Variants in CRACR2A observed in about 807,000 individuals in gnomAD.
CRACR2A encodes calcium release activated channel regulator 2A.
A neutral mutation model predicts 90.5 loss-of-function variants in CRACR2A; 79 were observed. That is an observed-to-expected ratio of 0.87 (90% CI 0.73 to 1.05). The LOEUF is 1.05. Among genes scored for constraint, CRACR2A ranks in the 50% least tolerant of loss-of-function variants. The pLI is 0.00. For missense variants in CRACR2A, 823 were observed against 897.2 expected (o/e 0.92, Z 1.06); for synonymous variants, 338 against 356.7 (o/e 0.95, Z 0.59).
chr12:3,669,215 C>T (rs1439106739), intron 7 of CRACR2A, among the ~76,000 whole-genome samples: 1 of 152,128 alleles, frequency 6.6e-6, no homozygotes, highest in Non-Finnish European at 1.5e-5. Context: ...GGTGGGACCT[C>T]TGGCATCCCA....
At position 3,619,318 on chromosome 12, in the gene CRACR2A, C is replaced by G; in HGVS notation, c.1987G>C (p.Glu663Gln). 6.4e-7 allele frequency: 1 copy of G among 1,551,714 alleles called. No individual in the cohort carries two copies. Among genetic ancestry groups the G allele is most frequent in the South Asian group, 1.2e-5 (1 of 84,062 alleles). ...CCCCGGGGGACTTCCCGCTCCTTCT[C>G]GTTGTCAAGCTTATTACCCAGCAGA... Reference protein sequence around the residue: ...VLLLGNKLDNEKEREVPRGLG... With the variant: ...VLLLGNKLDNQKEREVPRGLG... Residue 663 changes from glutamate (E) to glutamine (Q), a missense_variant, in exon 18 of 20, where the codon GAG becomes CAG. Glu to Gln is a conservative substitution (Grantham distance 29, BLOSUM62 2). Transcript: ENST00000440314.
chr12:3,663,705 G>A (rs1360989726), intron 7 of CRACR2A, among the ~76,000 whole-genome samples: 1 of 152,220 alleles, frequency 6.6e-6, no homozygotes, highest in Non-Finnish European at 1.5e-5. Flanking sequence ...GACTTGTGCA[G>A]ATTAGAGCTG....
rs770171216 is a variant in CRACR2A, at chr12:3,633,481, C to A, written c.1735+123G>T. ...TGTTGAACAGAGCAGACACCAGTAT[C>A]CCTACTGGCCAATCCCCATGGCCCT... On this transcript the variant is annotated intron_variant, in intron 15 of 19. Transcript: ENST00000440314. This position sits in a 1 kb window ranked among gnomAD's most constrained non-coding sequence, Gnocchi z 4.5. 7.7e-7 allele frequency: 1 copy of A among 1,299,790 alleles called. No individual in the cohort carries two copies. The highest frequency in any genetic ancestry group is 1.1e-6 in the Non-Finnish European group (1 of 946,970). 80.5% of individuals were successfully genotyped at this position (1,299,790 alleles called of 1,614,324 possible). A position where few individuals can be genotyped will look rare whatever the true frequency, so the allele number is the denominator to read the frequency against.
chr12:3,656,408 TGCCAA>T lies in CRACR2A; in HGVS notation c.763-7_763-3del. 1 of 1,614,010 alleles carries T rather than the reference TGCCAA, an allele frequency of 6.2e-7. No individual in the cohort carries two copies. The highest frequency in any genetic ancestry group is 8.5e-7 in the Non-Finnish European group (1 of 1,179,992). Reference sequence around the variant, plus strand: ...GCGGGCTTGAAACCTCTCTGTGTCCTGCCAAGCCAGAAAGAGGGACACACAGGACC... The same window carrying T: ...GCGGGCTTGAAACCTCTCTGTGTCCTGCCAGAAAGAGGGACACACAGGACC... On this transcript the variant is annotated splice_polypyrimidine_tract_variant and splice_region_variant and intron_variant, in intron 8 of 19. Coordinates refer to ENST00000440314, the MANE Select transcript of CRACR2A (RefSeq NM_001144958.2).
In CRACR2A at chr12:3,619,318, C is replaced by T. The variant is rs1382303956; in HGVS notation, c.1987G>A (p.Glu663Lys). The T allele has an allele frequency of 1.5e-5, 24 of 1,551,596 alleles. No homozygotes were observed. In the East Asian group the frequency reaches 2.0e-4, roughly 13 times the overall value. The change falls in exon 18 of 20, where the codon GAG becomes AAG. Residue 663 changes from glutamate (E) to lysine (K), a missense_variant. Coordinates refer to ENST00000440314, the MANE Select transcript of CRACR2A (RefSeq NM_001144958.2). Reference sequence around the variant, plus strand: ...CCCCGGGGGACTTCCCGCTCCTTCTCGTTGTCAAGCTTATTACCCAGCAGA... The same window carrying T: ...CCCCGGGGGACTTCCCGCTCCTTCTTGTTGTCAAGCTTATTACCCAGCAGA... ...VLLLGNKLDN[E>K]KEREVPRGLG...
At chr12:3,666,830 C>A (rs978572092) in intron 7 of CRACR2A, among the ~76,000 whole-genome samples, 1 of 152,212 alleles carries the variant, frequency 6.6e-6, no homozygotes, top group Non-Finnish European at 1.5e-5. Context: ...CTTAGAAAGT[C>A]GTCCATTCCC....
chr12:3,621,389 G>A (rs1944128925), intron 17 of CRACR2A, among the ~76,000 whole-genome samples: 1 of 150,090 alleles, frequency 6.7e-6, no homozygotes, highest in African/African-American at 2.4e-5. Flanking sequence ...GAAAGGGCAG[G>A]TTTCTTCTTT....
chr12:3,704,038 G>C (rs1427690807), intron 3 of CRACR2A, among the ~76,000 whole-genome samples: 2 of 152,178 alleles, frequency 1.3e-5, no homozygotes, highest in African/African-American at 4.8e-5. Flanking sequence ...AGTCAAACAA[G>C]TGTTTAATCC....
intron 2 of CRACR2A, chr12:3,731,711 T>C (rs1946363385): frequency 6.6e-6 from 1 of 152,162 alleles, no homozygotes; most frequent in South Asian, 2.1e-4. Context: ...GAAGATGTAA[T>C]GAGTTAAGAT....
At chr12:3,721,689 G>A (rs1473756740) in intron 2 of CRACR2A, among the ~76,000 whole-genome samples, 1 of 151,844 alleles carries the variant, frequency 6.6e-6, no homozygotes, top group East Asian at 1.9e-4. Context: ...AAGGCAGAAT[G>A]AGAAAAGGGC....
Position 3,749,137 on chromosome 12 carries a change from T to A in CRACR2A, c.-387+3878A>T, listed in dbSNP as rs565899870. ...ATAAAATGGGCATGATGGCAGTGCC[T>A]AGCCAATTGGGTTGTAGTGAGGCTT... On this transcript the variant is annotated intron_variant, in intron 1 of 19. Coordinates refer to ENST00000440314, the MANE Select transcript of CRACR2A (RefSeq NM_001144958.2). 2.6e-5 allele frequency among the ~76,000 whole-genome samples: 4 copies of A among 152,340 alleles called. No homozygotes were observed. The South Asian group carries it at 6.2e-4, about 24-fold the overall frequency.
intron 3 of CRACR2A, among the ~76,000 whole-genome samples, chr12:3,705,623 G>C (rs1460442041): frequency 6.6e-6 from 1 of 152,186 alleles, no homozygotes; most frequent in Non-Finnish European, 1.5e-5. Context: ...GCAGTACCTG[G>C]AAGCCCCAGT....
intron 6 of CRACR2A, among the ~76,000 whole-genome samples, chr12:3,677,370 C>T (rs1945355564): frequency 6.6e-6 from 1 of 152,184 alleles, no homozygotes; most frequent in Non-Finnish European, 1.5e-5. Flanking sequence ...TCATCTTTTA[C>T]AGACCACTCT....
chr12:3,745,780 A>AAAAATAAAATAAAATAAAAT (rs941357128), intron 1 of CRACR2A, among the ~76,000 whole-genome samples: 4 of 106,770 alleles, frequency 3.7e-5, no homozygotes, highest in African/African-American at 1.1e-4. Context: ...CTTCGTCTCA[A>AAAAATAAAATAAAATAAAAT]AAAATAAAAT....
intron 2 of CRACR2A, among the ~76,000 whole-genome samples, chr12:3,720,229 G>GAAAGA (rs1946137086): frequency 2.0e-5 from 2 of 99,962 alleles, no homozygotes; most frequent in South Asian, 6.2e-4. Context: ...GAAAGAAAAA[G>GAAAGA]AAAGAAAGAA....
intron 4 of CRACR2A, among the ~76,000 whole-genome samples, chr12:3,693,188 C>T (rs1475311455): frequency 2.6e-5 from 4 of 152,200 alleles, no homozygotes; most frequent in African/African-American, 7.2e-5. Flanking sequence ...GAAGCTGCAA[C>T]GTGAGGAGGG....
intron 1 of CRACR2A, among the ~76,000 whole-genome samples, chr12:3,748,734 C>T (rs1387887018): frequency 1.3e-5 from 2 of 152,172 alleles, no homozygotes; most frequent in African/African-American, 4.8e-5. Flanking sequence ...AACTCCAACA[C>T]CTGAGGCCAA....
intron 3 of CRACR2A, among the ~76,000 whole-genome samples, chr12:3,697,975 G>A (rs1945771984): frequency 6.6e-6 from 1 of 152,174 alleles, no homozygotes; most frequent in Non-Finnish European, 1.5e-5. Context: ...CTGCTTATAT[G>A]ACCTTGAACA....
chr12:3,650,629 TC>T (rs71445612), intron 10 of CRACR2A, among the ~76,000 whole-genome samples: 11 of 151,900 alleles, frequency 7.2e-5, no homozygotes, highest in Admixed American at 1.3e-4. Context: ...TGCTTTAGGG[TC>T]CCCCCACCCC....
Sources: gnomAD v4.1 joint callset for allele counts (sites outside exome capture counted in the v4.1 genomes callset) on GRCh38, gnomAD v4.1.1 for gene constraint, Gnocchi (gnomAD v3.1) non-coding constraint, MANE v1.5 for transcripts, NCBI Gene and HGNC (gene_info 2026-07-23, HGNC 2026-07-21) for gene names.